EBF3: variants seen among roughly 807,000 people sequenced by gnomAD.
EBF3 encodes transcription factor COE3.
A neutral mutation model predicts 77.1 loss-of-function variants in EBF3; 18 were observed. That is an observed-to-expected ratio of 0.23 (90% confidence interval 0.16 to 0.35). EBF3 has a LOEUF of 0.35. Ranked by LOEUF, EBF3 falls within the 10% of genes least tolerant of loss-of-function variation. The probability of loss-of-function intolerance (pLI) is 1.00; values close to 1 mark genes in which losing one functional copy is unlikely to be tolerated. For missense variants in EBF3, 558 were observed against 860.0 expected (o/e 0.65, Z 4.39); for synonymous variants, 350 against 343.5 (o/e 1.02, Z -0.21).
chr10:129,840,421 A>G lies in EBF3; in HGVS notation c.1583T>C (p.Met528Thr). The G allele has an allele frequency of 6.4e-7, 1 of 1,551,668 alleles. No homozygotes were observed. Among genetic ancestry groups the G allele is most frequent in the Non-Finnish European group, 8.7e-7 (1 of 1,147,074 alleles). The change falls in exon 15 of 17, where the codon ATG becomes ACG. Residue 528 changes from methionine (M) to threonine (T), a missense_variant. Coordinates refer to ENST00000440978, the MANE Select transcript of EBF3 (RefSeq NM_001375380.1). ...AGGGAGGGTGACCGAAGAGGCTGCC[A>G]TGGTGGGGCTGGACGGCACTACTGC... ...PYGIVPSSPTMAASSVTLPSN... is the reference protein window; with the variant it reads ...PYGIVPSSPTTAASSVTLPSN...
chr10:129,961,176 C>T (rs1483481961), intron 4 of EBF3, among the ~76,000 whole-genome samples: 1 of 152,200 alleles, frequency 6.6e-6, no homozygotes, highest in Non-Finnish European at 1.5e-5. Context: ...TTACTTGGCT[C>T]ACAATTCTTA....
Position 129,897,142 on chromosome 10 carries a change from C to T in EBF3, c.555-19293G>A, listed in dbSNP as rs997722822. Among the ~76,000 whole-genome samples, 43 of 152,208 alleles carry T rather than the reference C, an allele frequency of 2.8e-4. No homozygotes were observed. The highest frequency in any genetic ancestry group is 8.7e-4 in the African/African-American group (36 of 41,458). Reference sequence around the variant, plus strand: ...CAGGAAGACAAAGCCGGTCTCCTTTCGGGGTCCTGGGATGAGCACTGTGGT... The same window carrying T: ...CAGGAAGACAAAGCCGGTCTCCTTTTGGGGTCCTGGGATGAGCACTGTGGT... On this transcript the variant is annotated intron_variant, in intron 6 of 16. Coordinates refer to ENST00000440978, the MANE Select transcript of EBF3 (RefSeq NM_001375380.1). The surrounding 1 kb of genome is among the most constrained non-coding windows in gnomAD (Gnocchi z 4.6).
intron 4 of EBF3, among the ~76,000 whole-genome samples, chr10:129,961,116 G>C (rs1859482101): frequency 6.6e-6 from 1 of 152,250 alleles, no homozygotes; most frequent in African/African-American, 2.4e-5. Flanking sequence ...TGCATGCAGA[G>C]AGTGGGAGGC....
chr10:129,941,698 A>T (rs1489379266), intron 6 of EBF3, among the ~76,000 whole-genome samples: 1 of 152,230 alleles, frequency 6.6e-6, no homozygotes, highest in African/African-American at 2.4e-5. Context: ...CCTGGAGGCC[A>T]GAGAAAGGGG....
At position 129,875,382 on chromosome 10, in the gene EBF3, G is replaced by C. The variant is rs1396604406; in HGVS notation, c.637-1786C>G. ...GGCTAATTTTTTGGCATTTGTAGTA[G>C]AGATGGGGTTTCATCATGTTGGCCA... On this transcript the variant is annotated intron_variant, in intron 7 of 16. Transcript: ENST00000440978. Among the ~76,000 whole-genome samples the C allele has an allele frequency of 3.9e-5, 6 of 152,128 alleles. No individual in the cohort carries two copies. In the East Asian group the frequency reaches 1.2e-3, roughly 29 times the overall value.
At position 129,920,419 on chromosome 10, in the gene EBF3, C is replaced by T. The variant is rs115988186; in HGVS notation, c.554+36839G>A. The stretch of plus-strand genomic sequence containing the variant: ...ACCCACCCCGCTGTGTGATCTAGGG[C>T]GAATATCTGCAGGAAGGGGCTGTCT... On this transcript the variant is annotated intron_variant, in intron 6 of 16. Transcript: ENST00000440978. 3.0e-3 allele frequency among the ~76,000 whole-genome samples: 459 copies of T among 152,236 alleles called. 3 individuals carry two copies. The highest frequency in any genetic ancestry group is 0.011 in the African/African-American group (449 of 41,526).
At position 129,954,420 on chromosome 10, in the gene EBF3, C is replaced by G. The variant is rs535539649; in HGVS notation, c.554+2838G>C. Among the ~76,000 whole-genome samples, 78 of 150,120 alleles carry G rather than the reference C, an allele frequency of 5.2e-4. 1 individual carries two copies. Among genetic ancestry groups the G allele is most frequent in the South Asian group, 2.0e-3 (9 of 4,580 alleles). On this transcript the variant is annotated intron_variant, in intron 6 of 16. Coordinates refer to ENST00000440978, the MANE Select transcript of EBF3 (RefSeq NM_001375380.1). ...TGGGAAACAGCCTCACTTCCCCCCC[C>G]CCTTTTTTTTTCTCTGAAGGGTCTT...
At chr10:129,932,402 T>A (rs1160434584) in intron 6 of EBF3, among the ~76,000 whole-genome samples, 1 of 152,192 alleles carries the variant, frequency 6.6e-6, no homozygotes, top group Non-Finnish European at 1.5e-5. Flanking sequence ...CCCCTGTACA[T>A]GGCAGAGCGG....
At chr10:129,877,882 G>C (rs746332650) in intron 6 of EBF3, 33 bp from the exon 7 acceptor site, 1 of 1,552,114 alleles carries the variant, frequency 6.4e-7, no homozygotes, top group Non-Finnish European at 8.8e-7. Flanking sequence ...ATATTTATTA[G>C]GGTTATCAGA....
chr10:129,921,809 C>T (rs945277710), intron 6 of EBF3, among the ~76,000 whole-genome samples: 1 of 152,214 alleles, frequency 6.6e-6, no homozygotes, highest in Non-Finnish European at 1.5e-5. Flanking sequence ...CATCAGCACC[C>T]TCAAATGCTG....
At chr10:129,867,320 G>A (rs560499196) in intron 9 of EBF3, 53 bp from the exon 10 acceptor site, 23 of 1,604,376 alleles carry the variant, frequency 1.4e-5, no homozygotes, top group East Asian at 2.2e-5. Flanking sequence ...TATGAGAGGC[G>A]GACACTTGCC....
Position 129,842,960 on chromosome 10 carries a change from A to C in EBF3, c.1194+177T>G, listed in dbSNP as rs910246760. ...TTTTGGGTCCTGACACCAACTCATC[A>C]TTTCTACGTGAACCTAGCGTGAGGG... On this transcript the variant is annotated intron_variant, in intron 12 of 16. Transcript: ENST00000440978. This position sits in a 1 kb window ranked among gnomAD's most constrained non-coding sequence, Gnocchi z 4.4. 1.3e-5 allele frequency among the ~76,000 whole-genome samples: 2 copies of C among 151,760 alleles called. No homozygotes were observed. The highest frequency in any genetic ancestry group is 2.9e-5 in the Non-Finnish European group (2 of 67,972).
Position 129,841,043 on chromosome 10 carries a change from C to CCA in EBF3, c.1373-12_1373-11insTG, listed in dbSNP as rs1554892381. 15 of 1,350,208 alleles carry CCA rather than the reference C, an allele frequency of 1.1e-5. No individual in the cohort carries two copies. Among genetic ancestry groups the CCA allele is most frequent in the South Asian group, 6.4e-5 (5 of 78,222 alleles). The allele number at this position is 1,350,208 out of a possible 1,614,324, so 83.6% of individuals were successfully genotyped here. A position where few individuals can be genotyped will look rare whatever the true frequency, so the allele number is the denominator to read the frequency against. On this transcript the variant is annotated splice_polypyrimidine_tract_variant and intron_variant, in intron 13 of 16. Coordinates refer to ENST00000440978, the MANE Select transcript of EBF3 (RefSeq NM_001375380.1). The surrounding 1 kb of genome is among the most constrained non-coding windows in gnomAD (Gnocchi z 4.6). ...TGCGACTGTAGCCGACTGTTGAAAT[C>CCA]CCCCCCCCGGCCAAAAATAACATTA...
chr10:129,838,993 C>T (rs1007315503), intron 16 of EBF3, 90 bp downstream of exon 16: 12 of 1,206,970 alleles, frequency 9.9e-6, no homozygotes, highest in Admixed American at 2.4e-5. Context: ...GCTGATGGCA[C>T]GCAGGCCAGT....
In EBF3 at chr10:129,963,338, A is replaced by G. The variant is rs779738591; in HGVS notation, c.291+29T>C. On this transcript the variant is annotated intron_variant, in intron 2 of 16. Transcript: ENST00000440978. This position sits in a 1 kb window ranked among gnomAD's most constrained non-coding sequence, Gnocchi z 7.1. ...GCCTGCCTCCCGCTTCTAGAAAGAG[A>G]GAGGGTGTGATCGTGTGTTTGCACT... 24 of 1,562,462 alleles carry G rather than the reference A, an allele frequency of 1.5e-5. No individual in the cohort carries two copies. The highest frequency in any genetic ancestry group is 2.0e-5 in the Non-Finnish European group (23 of 1,156,564).
intron 15 of EBF3, among the ~76,000 whole-genome samples, chr10:129,839,710 G>A (rs1291384764): frequency 6.6e-6 from 1 of 152,236 alleles, no homozygotes; most frequent in Non-Finnish European, 1.5e-5. Context: ...GGAGAACCAA[G>A]GCCCAGCCTC....
rs146401639 is a variant in EBF3 at position 129,854,065 on chromosome 10, C to G, written c.1040-5585G>C. 3.4e-3 allele frequency among the ~76,000 whole-genome samples: 517 copies of G among 150,078 alleles called. 8 individuals are homozygous for G. The highest frequency in any genetic ancestry group is 7.0e-3 in the Middle Eastern group (2 of 286). ...AGACAAAATTGATATTTAGCTCCCC[C>G]CTGAATACCTTGCCCCCACCAGAGC... On this transcript the variant is annotated intron_variant, in intron 10 of 16. Transcript: ENST00000440978.
In EBF3 at chr10:129,963,293, A is replaced by G; in HGVS notation, c.291+74T>C. ...AGCCCGCCGCCTAGGGGGGCACTCG[A>G]ACCCCCGCGCACCGGCACCGCCTGC... On this transcript the variant is annotated intron_variant, in intron 2 of 16. Transcript: ENST00000440978. The surrounding 1 kb of genome is among the most constrained non-coding windows in gnomAD (Gnocchi z 7.1). 1 of 1,537,382 alleles carries G rather than the reference A, an allele frequency of 6.5e-7. No homozygotes were observed. The highest frequency in any genetic ancestry group is 1.2e-5 in the South Asian group (1 of 82,510).
chr10:129,964,176 G>A lies in EBF3; in HGVS notation c.-408C>T. The A allele has an allele frequency of 1.0e-6, 1 of 984,938 alleles. No individual in the cohort carries two copies. Among genetic ancestry groups the A allele is most frequent in the Non-Finnish European group, 1.2e-6 (1 of 829,798 alleles). The allele number at this position is 984,938 out of a possible 1,614,324, so 61.0% of individuals were successfully genotyped here. ...ACAAATAAACGGGGCAGTGAGTGCT[G>A]CGGCGCAGTCCCGGGCGCAGGCGGG... is the stretch of plus-strand genomic sequence containing the variant. On this transcript the variant is annotated 5_prime_UTR_variant, in exon 1 of 17. Transcript: ENST00000440978. The surrounding 1 kb of genome is among the most constrained non-coding windows in gnomAD (Gnocchi z 4.5).
Sources: allele counts gnomAD v4.1 joint callset (sites outside exome capture counted in the v4.1 genomes callset), GRCh38; gene constraint gnomAD v4.1.1; non-coding constraint Gnocchi (gnomAD v3.1); transcripts MANE v1.5; gene names NCBI Gene and HGNC (gene_info 2026-07-23, HGNC 2026-07-21).